DHX32: variants seen among roughly 807,000 people sequenced by gnomAD.
DHX32 encodes DEAH-box helicase 32 (putative).
Under a neutral mutation model 70.0 loss-of-function variants are expected in DHX32, and 51 were observed. The observed-to-expected ratio is 0.73, with a 90% confidence interval of 0.58 to 0.92. The LOEUF is 0.92. DHX32 is among the 40% of genes least tolerant of loss of function. DHX32 has a pLI of 0.00. For missense variants in DHX32, 762 were observed against 891.8 expected, an observed-to-expected ratio of 0.85 and a Z score of 1.85; for synonymous variants, 310 against 315.3, an observed-to-expected ratio of 0.98 and a Z score of 0.18.
intron 6 of DHX32, among the ~76,000 whole-genome samples, chr10:125,851,126 T>C (rs926238419): frequency 2.6e-5 from 4 of 152,244 alleles, no homozygotes; most frequent in Admixed American, 6.5e-5. Flanking sequence ...ACATGGTTCA[T>C]GCATCCTGAA....
chr10:125,845,410 T>C (rs906909657), intron 6 of DHX32, among the ~76,000 whole-genome samples: 1 of 152,216 alleles, frequency 6.6e-6, no homozygotes, highest in Non-Finnish European at 1.5e-5. Context: ...TATGCCAACA[T>C]ATTTATATGT....
chr10:125,837,004 T>C (rs1854712194), intron 10 of DHX32, 149 bp from the exon 11 acceptor site: 3 of 683,608 alleles, frequency 4.4e-6, no homozygotes, highest in Non-Finnish European at 7.3e-6. Flanking sequence ...AGTCCGACTT[T>C]GTAAAATAAA....
rs771795482 is a variant in DHX32, at chr10:125,838,244, G to C, written c.2025C>G (p.Asn675Lys). Reference protein sequence around the residue: ...VLFHKFSISENNYIRITSEIS... With the variant: ...VLFHKFSISEKNYIRITSEIS... ...TTTCTGAGGTAATCCTGATGTAGTT[G>C]TTCTCAGAAATGCTGAATTTATGGA... The change falls in exon 10 of 11, where the codon AAC (asparagine) becomes AAG (lysine). Residue 675 changes from asparagine (N) to lysine (K), a missense_variant. Transcript: ENST00000284690. 1.2e-6 allele frequency: 2 copies of C among 1,612,408 alleles called. No individual in the cohort carries two copies. The highest frequency in any genetic ancestry group is 1.3e-5 in the African/African-American group (1 of 74,890).
intron 6 of DHX32, among the ~76,000 whole-genome samples, chr10:125,843,203 G>A (rs1439515407): frequency 1.3e-5 from 2 of 152,056 alleles, no homozygotes; most frequent in Admixed American, 6.5e-5. Flanking sequence ...GTGCAAGGTG[G>A]GCAGGGGCTG....
chr10:125,839,025 A>T lies in DHX32; in HGVS notation c.1857T>A (p.Ala619=). 6.2e-7 allele frequency: 1 copy of T among 1,614,038 alleles called. No homozygotes were observed. Residue 619 remains alanine, a synonymous_variant, in exon 9 of 11, where the codon GCT becomes GCA. Transcript: ENST00000284690. ...SKENTLNIKK[A]LLSGYFMQIA... ...CCTGCATAAAGTAACCGGACAGAAG[A>T]GCTTTCTTTATGTTTAGAGTGTTTT... is the stretch of plus-strand genomic sequence containing the variant.
chr10:125,878,073 C>G (rs1411618995), intron 1 of DHX32, among the ~76,000 whole-genome samples: 1 of 152,130 alleles, frequency 6.6e-6, no homozygotes, highest in Admixed American at 6.5e-5. Context: ...CTCACTTGAA[C>G]AAAAACTTGA....
chr10:125,890,875 A>G (rs1944366629), intron 1 of DHX32, among the ~76,000 whole-genome samples: 1 of 152,168 alleles, frequency 6.6e-6, no homozygotes, highest in Non-Finnish European at 1.5e-5. Context: ...GTTTGAGACT[A>G]GCCTGGGCAA....
intron 1 of DHX32, among the ~76,000 whole-genome samples, chr10:125,889,853 C>G (rs1253840289): frequency 1.3e-5 from 2 of 152,300 alleles, no homozygotes; most frequent in African/African-American, 4.8e-5. Flanking sequence ...TTAAGGACCC[C>G]ATGAGGGTTT....
At position 125,866,808 on chromosome 10, in the gene DHX32, G is replaced by A. The variant is rs115043357; in HGVS notation, c.476+182C>T. ...GGAGTCATGGGATACATTTAGACAA[G>A]GAATCCCAGATGATGCCAGTGTGGG... On this transcript the variant is annotated intron_variant, in intron 2 of 10. Transcript: ENST00000284690. This position sits in a 1 kb window ranked among gnomAD's most constrained non-coding sequence, Gnocchi z 4.8. 4.6e-3 allele frequency among the ~76,000 whole-genome samples: 699 copies of A among 152,358 alleles called. 3 individuals carry two copies. Among genetic ancestry groups the A allele is most frequent in the African/African-American group, 0.016 (645 of 41,588 alleles).
chr10:125,844,945 A>T (rs1329517590), intron 6 of DHX32, among the ~76,000 whole-genome samples: 1 of 152,216 alleles, frequency 6.6e-6, no homozygotes, highest in African/African-American at 2.4e-5. Context: ...GGCTATCATT[A>T]CAGTATTTCT....
At chr10:125,851,229 A>C (rs1226878049) in intron 6 of DHX32, among the ~76,000 whole-genome samples, 1 of 152,224 alleles carries the variant, frequency 6.6e-6, no homozygotes, top group Non-Finnish European at 1.5e-5. Context: ...TTGCTTCCAA[A>C]ACAATGAGTC....
intron 10 of DHX32, among the ~76,000 whole-genome samples, chr10:125,837,420 C>A (rs978994771): frequency 2.6e-5 from 4 of 152,092 alleles, no homozygotes; most frequent in African/African-American, 9.7e-5. Flanking sequence ...ATGTAGCAGC[C>A]ACAGTTATTT....
chr10:125,836,467 T>G lies in DHX32; in HGVS notation c.*220A>C, dbSNP rs964195018. ...TTTGGTCAAATTATGAGTGGTTGAT[T>G]TAAAAACTTTTCCAAGAAGAAGAAA... On this transcript the variant is annotated 3_prime_UTR_variant, in exon 11 of 11. Transcript: ENST00000284690. 4 of 1,397,478 alleles carry G rather than the reference T, an allele frequency of 2.9e-6. No individual in the cohort carries two copies. The Admixed American group carries it at 9.6e-5, about 33-fold the overall frequency. The allele number at this position is 1,397,478 out of a possible 1,614,324, so 86.6% of individuals were successfully genotyped here.
chr10:125,851,210 T>A (rs939923644), intron 6 of DHX32, among the ~76,000 whole-genome samples: 4 of 152,224 alleles, frequency 2.6e-5, no homozygotes, highest in African/African-American at 9.6e-5. Flanking sequence ...CGAGCATCTT[T>A]TTCTTTTTTT....
chr10:125,841,786 A>C lies in DHX32; in HGVS notation c.1500T>G (p.Phe500Leu). ...TTGTTAGCACTTCATCTACACAGTC[A>C]AATTCACAGGACGCTAAGATAGACT... ...LSKSILASCE[F>L]DCVDEVLTIA... is the part of the protein sequence containing the mutation. Residue 500 changes from phenylalanine to leucine, a missense_variant, in exon 7 of 11, where the codon TTT becomes TTG. Around this residue, in one of 3 missense-constraint regions of DHX32, gnomAD observed 366 missense variants for 402.6 expected, o/e 0.91. Transcript: ENST00000284690. The C allele has an allele frequency of 1.2e-6, 2 of 1,613,354 alleles. No individual in the cohort carries two copies. Among genetic ancestry groups the C allele is most frequent in the Non-Finnish European group, 1.7e-6 (2 of 1,179,890 alleles).
intron 1 of DHX32, among the ~76,000 whole-genome samples, chr10:125,875,602 T>C (rs1252693775): frequency 6.6e-6 from 1 of 152,236 alleles, no homozygotes; most frequent in Non-Finnish European, 1.5e-5. Context: ...GTAGAAGGCA[T>C]GTCAGAATTA....
At chr10:125,880,351 G>T (rs1944309501) in intron 1 of DHX32, among the ~76,000 whole-genome samples, 192 bp downstream of exon 1, 2 of 152,050 alleles carry the variant, frequency 1.3e-5, no homozygotes, top group Admixed American at 1.3e-4. Flanking sequence ...TTTCTACATA[G>T]ATATTATTAA....
intron 2 of DHX32, among the ~76,000 whole-genome samples, chr10:125,864,681 C>T (rs1944208236): frequency 6.6e-6 from 1 of 152,026 alleles, no homozygotes; most frequent in Non-Finnish European, 1.5e-5. Flanking sequence ...GTAATACCAG[C>T]ACTTTCAAAG....
chr10:125,895,383 CTCCAGACCTGAA>C (rs1944451097), intron 1 of DHX32, among the ~76,000 whole-genome samples: 1 of 152,240 alleles, frequency 6.6e-6, no homozygotes, highest in South Asian at 2.1e-4. Flanking sequence ...GGGCCATAAT[CTCCAGACCTGAA>C]TACCAAATCA....
Sources: gnomAD v4.1 joint callset for allele counts (sites outside exome capture counted in the v4.1 genomes callset) on GRCh38, gnomAD v4.1.1 for gene constraint, gnomAD v4.1.1 regional missense constraint, Gnocchi (gnomAD v3.1) non-coding constraint, MANE v1.5 for transcripts, NCBI Gene and HGNC (gene_info 2026-07-23, HGNC 2026-07-21) for gene names.